Variants in DNAH9 observed in about 807,000 individuals in gnomAD.
DNAH9 encodes dynein axonemal heavy chain 9.
A neutral mutation model predicts 471.6 loss-of-function variants in DNAH9; 345 were observed. The ratio of observed to expected loss-of-function variants is 0.73; its 90% CI spans 0.67 to 0.80. The LOEUF (loss-of-function observed/expected upper bound fraction) is 0.80. Among genes scored for constraint, DNAH9 ranks in the 30% least tolerant of loss-of-function variants. The pLI, the probability that DNAH9 is intolerant of heterozygous loss-of-function variation, is 0.00. For synonymous variants in DNAH9, 2,093 were observed against 2,123.6 expected, an observed-to-expected ratio of 0.99 and a Z score of 0.40; for missense variants, 5,407 against 5,609.2, an observed-to-expected ratio of 0.96 and a Z score of 1.15.
chr17:11,723,022 A>G (rs1486871364), intron 27 of DNAH9: 1 of 152,160 alleles, frequency 6.6e-6, no homozygotes, highest in East Asian at 1.9e-4. Context: ...CCTCCTCCTG[A>G]GTCTCTGGTC....
At chr17:11,929,747 T>C in intron 62 of DNAH9, 119 bp from the exon 63 acceptor site, 1 of 821,694 alleles carries the variant, frequency 1.2e-6, no homozygotes, top group Non-Finnish European at 1.9e-6. Context: ...ACCACAATTT[T>C]TAAAAATTAT....
chr17:11,819,720 A>G (rs1970243894), intron 45 of DNAH9, among the ~76,000 whole-genome samples: 1 of 152,222 alleles, frequency 6.6e-6, no homozygotes, highest in South Asian at 2.1e-4. Context: ...GGCAATGTTG[A>G]GAAAGAACCA....
chr17:11,763,646 C>A, intron 36 of DNAH9, 32 bp downstream of exon 36: 1 of 1,602,138 alleles, frequency 6.2e-7, no homozygotes, highest in Non-Finnish European at 8.5e-7. Context: ...AACAACCACA[C>A]TGAAGTCTGT....
intron 4 of DNAH9, among the ~76,000 whole-genome samples, chr17:11,615,688 C>T (rs561172283): frequency 3.9e-5 from 6 of 152,196 alleles, no homozygotes; most frequent in African/African-American, 1.4e-4. Flanking sequence ...ATGGCCAACC[C>T]TTTTCTCAAG....
chr17:11,919,709 G>C (rs1010621308), intron 61 of DNAH9, among the ~76,000 whole-genome samples: 4 of 152,088 alleles, frequency 2.6e-5, no homozygotes, highest in African/African-American at 9.7e-5. Context: ...TTAGAAAGTT[G>C]AGTAGTAAGT....
chr17:11,864,730 G>A (rs1021659261), intron 50 of DNAH9, among the ~76,000 whole-genome samples: 13 of 152,200 alleles, frequency 8.5e-5, no homozygotes, highest in African/African-American at 2.9e-4. Flanking sequence ...TATATATTTA[G>A]GATAGTTAGC....
chr17:11,836,784 T>C (rs1215683636), intron 49 of DNAH9, among the ~76,000 whole-genome samples: 1 of 152,250 alleles, frequency 6.6e-6, no homozygotes, highest in Non-Finnish European at 1.5e-5. Flanking sequence ...CCACTTTATT[T>C]ACACACCTTC....
intron 58 of DNAH9, among the ~76,000 whole-genome samples, chr17:11,893,187 A>AAAAAG (rs1195141595): frequency 6.6e-6 from 1 of 151,164 alleles, no homozygotes; most frequent in East Asian, 1.9e-4. Context: ...GCAAAAAAAA[A>AAAAAG]AAAAAAAATG....
chr17:11,881,385 T>A lies in DNAH9; in HGVS notation c.10778T>A (p.Met3593Lys), dbSNP rs150585387. ...CAGTTGCTGGCCGCTGTGGTCAGCA[T>A]GGAGAGGCCAGACTTGGAGCAGCTG... The part of the protein sequence containing the change: ...EDQLLAAVVS[M>K]ERPDLEQLKS... Residue 3593 changes from methionine to lysine, a missense_variant, in exon 55 of 69, where the codon ATG becomes AAG. Physicochemically the swap from Met to Lys is moderately conservative, Grantham distance 95. This residue lies in a region of DNAH9 where 4,636 missense variants were observed against 4,900.3 expected (regional missense o/e 0.95). Transcript: ENST00000262442. 725 of 1,613,244 alleles carry A rather than the reference T, an allele frequency of 4.5e-4. 1 individual carries two copies. The highest frequency in any genetic ancestry group is 5.0e-4 in the Non-Finnish European group (592 of 1,179,860).
intron 8 of DNAH9, 150 bp downstream of exon 8, chr17:11,632,853 T>C: frequency 2.1e-6 from 1 of 484,106 alleles, no homozygotes; most frequent in Non-Finnish European, 3.7e-6. Flanking sequence ...GAATCCTTCT[T>C]ATATCAAGAA....
intron 43 of DNAH9, among the ~76,000 whole-genome samples, chr17:11,806,200 AAT>A (rs1279655875): frequency 6.6e-6 from 1 of 152,146 alleles, no homozygotes; most frequent in African/African-American, 2.4e-5. Context: ...CAAATCCTCC[AAT>A]ATAGCAGATC....
At chr17:11,660,319 CTTTTTTTTTTTT>C (rs1208889792) in intron 14 of DNAH9, among the ~76,000 whole-genome samples, 1 of 97,508 alleles carries the variant, frequency 1.0e-5, no homozygotes, top group Non-Finnish European at 2.0e-5. Context: ...TTAAATGTTT[CTTTTTTTTTTTT>C]TTTTTTTTTG....
intron 15 of DNAH9, among the ~76,000 whole-genome samples, 160 bp from the exon 16 acceptor site, chr17:11,668,904 A>C (rs928326801): frequency 6.6e-6 from 1 of 152,128 alleles, no homozygotes; most frequent in Admixed American, 6.5e-5. Flanking sequence ...TATCACCCTC[A>C]CATTGTATGG....
At chr17:11,941,526 C>A (rs937966161) in intron 66 of DNAH9, among the ~76,000 whole-genome samples, 3 of 152,144 alleles carry the variant, frequency 2.0e-5, no homozygotes, top group Admixed American at 2.0e-4. Context: ...AGGAGAGAGA[C>A]CCTACTTGTC....
intron 50 of DNAH9, among the ~76,000 whole-genome samples, chr17:11,859,150 C>T (rs1414430812): frequency 6.7e-6 from 1 of 149,824 alleles, no homozygotes; most frequent in Non-Finnish European, 1.5e-5. Flanking sequence ...TGGTGGCTCA[C>T]ACCTGTAATC....
intron 14 of DNAH9, among the ~76,000 whole-genome samples, chr17:11,654,022 A>G (rs2073569886): frequency 6.6e-6 from 1 of 152,154 alleles, no homozygotes; most frequent in Non-Finnish European, 1.5e-5. Context: ...GAAGAAAACC[A>G]TCAAGCAAAA....
In DNAH9 at chr17:11,932,102, G is replaced by A. The variant is rs541329426; in HGVS notation, c.12194G>A (p.Arg4065Gln). The A allele has an allele frequency of 2.0e-5, 33 of 1,614,064 alleles. No individual in the cohort carries two copies. Among genetic ancestry groups the A allele is most frequent in the South Asian group, 3.3e-5 (3 of 91,062 alleles). Reference protein sequence around the residue: ...CYFHAVVAERRKFGPQGWNRS... With the variant: ...CYFHAVVAERQKFGPQGWNRS... ...TTCCATGCGGTGGTGGCAGAAAGAC[G>A]AAAATTTGGGCCCCAGGGATGGAAT... Residue 4065 changes from arginine to glutamine, a missense_variant, in exon 64 of 69, where the codon CGA (arginine) becomes CAA (glutamine). By Grantham distance (43) the Arg-to-Gln change is conservative. Around this residue, in one of 3 missense-constraint regions of DNAH9, gnomAD observed 4,636 missense variants for 4,900.3 expected, o/e 0.95. Transcript: ENST00000262442. The surrounding 1 kb of genome is among the most constrained non-coding windows in gnomAD (Gnocchi z 4.3).
intron 67 of DNAH9, among the ~76,000 whole-genome samples, chr17:11,947,770 C>CT (rs1567569867): frequency 2.3e-4 from 23 of 98,554 alleles, no homozygotes; most frequent in African/African-American, 7.0e-4. Flanking sequence ...GGGCTGGGAA[C>CT]TATTTTTTTT....
intron 17 of DNAH9, among the ~76,000 whole-genome samples, chr17:11,676,375 CG>C (rs1213791540): frequency 1.3e-5 from 2 of 150,952 alleles, no homozygotes; most frequent in East Asian, 3.9e-4. Context: ...CTCCACCTCC[CG>C]GGTTCAAGTG....
Sources: gnomAD v4.1 joint callset for allele counts (sites outside exome capture counted in the v4.1 genomes callset) on GRCh38, gnomAD v4.1.1 for gene constraint, gnomAD v4.1.1 regional missense constraint, Gnocchi (gnomAD v3.1) non-coding constraint, MANE v1.5 for transcripts, NCBI Gene and HGNC (gene_info 2026-07-23, HGNC 2026-07-21) for gene names.